KCNMB2: variants seen among roughly 807,000 people sequenced by gnomAD.
KCNMB2 encodes calcium-activated potassium channel subunit beta-2.
A neutral mutation model predicts 24.5 loss-of-function variants in KCNMB2; 9 were observed. The ratio of observed to expected loss-of-function variants is 0.37; its 90% CI spans 0.22 to 0.64. The LOEUF is 0.64. Among genes scored for constraint, KCNMB2 ranks in the 30% least tolerant of loss-of-function variants. KCNMB2 has a pLI of 0.63. For missense variants in KCNMB2, 226 were observed against 284.3 expected, an observed-to-expected ratio of 0.79 and a Z score of 1.47; for synonymous variants, 109 against 104.4, an observed-to-expected ratio of 1.04 and a Z score of -0.27.
At chr3:178,614,316 T>TATAC (rs1229233368) in intron 1 of KCNMB2, among the ~76,000 whole-genome samples, 21 of 103,056 alleles carry the variant, frequency 2.0e-4, no homozygotes, top group Non-Finnish European at 3.9e-4. Context: ...TATATGTATG[T>TATAC]GTATATATAT....
chr3:178,825,482 G>C lies in KCNMB2; in HGVS notation c.57-106G>C, dbSNP rs1560036808. 1.1e-5 allele frequency: 9 copies of C among 812,966 alleles called. No individual in the cohort carries two copies. The South Asian group carries it at 1.4e-4, about 12-fold the overall frequency. 50.4% of individuals were successfully genotyped at this position (812,966 alleles called of 1,614,324 possible). The stretch of plus-strand genomic sequence containing the variant: ...CACACTGAGGTCCAGCTGCACTGAA[G>C]CAGGTTTGGAGGGCCCTAGGAAGGC... On this transcript the variant is annotated intron_variant, in intron 2 of 4. Transcript: ENST00000452583.
chr3:178,577,150 C>T (rs971703350), intron 1 of KCNMB2, among the ~76,000 whole-genome samples: 45 of 152,246 alleles, frequency 3.0e-4, no homozygotes, highest in African/African-American at 9.9e-4. Flanking sequence ...CTCTCTGGGA[C>T]AAAGCTTCCA....
At chr3:178,635,408 T>TACACACACACGCGCAC (rs377063055) in intron 1 of KCNMB2, among the ~76,000 whole-genome samples, 1 of 144,878 alleles carries the variant, frequency 6.9e-6, no homozygotes, top group African/African-American at 2.6e-5. Context: ...TGCTTATGCA[T>TACACACACACGCGCAC]ACACACACAC....
Position 178,715,838 on chromosome 3 carries a change from A to T in KCNMB2, c.-67-91505A>T, listed in dbSNP as rs1184381731. On this transcript the variant is annotated intron_variant, in intron 1 of 4. Coordinates refer to ENST00000452583, the MANE Select transcript of KCNMB2 (RefSeq NM_181361.3). ...TCCCTTTCATGGTAGGATGACAACTAAACCAACCTGACCAGGAGACCAGGG... is the reference window on the plus strand; with the variant it reads ...TCCCTTTCATGGTAGGATGACAACTTAACCAACCTGACCAGGAGACCAGGG... Among the ~76,000 whole-genome samples the T allele has an allele frequency of 2.0e-5, 3 of 152,170 alleles. No individual in the cohort carries two copies. The East Asian group carries it at 5.8e-4, about 29-fold the overall frequency.
At chr3:178,616,909 A>G (rs752380909) in intron 1 of KCNMB2, among the ~76,000 whole-genome samples, 25 of 152,182 alleles carry the variant, frequency 1.6e-4, no homozygotes, top group Non-Finnish European at 3.5e-4. Context: ...TTCCTACTTG[A>G]CCAGGCTGGA....
At chr3:178,799,468 C>A (rs1713688118) in intron 1 of KCNMB2, among the ~76,000 whole-genome samples, 1 of 151,930 alleles carries the variant, frequency 6.6e-6, no homozygotes, top group South Asian at 2.1e-4. Flanking sequence ...ATAAACTTAA[C>A]CAAAGAGGCA....
rs1164464920 is a variant in KCNMB2 at position 178,843,195 on chromosome 3, C to T, written c.*258C>T. 3.6e-6 allele frequency: 2 copies of T among 558,372 alleles called. No individual in the cohort carries two copies. The highest frequency in any genetic ancestry group is 1.5e-5 in the South Asian group (1 of 65,480). 34.6% of individuals were successfully genotyped at this position (558,372 alleles called of 1,614,324 possible). A position where few individuals can be genotyped will look rare whatever the true frequency, so the allele number is the denominator to read the frequency against. ...TACTGGAACTAGTACTTTCTTCTCT[C>T]ATTCCGCCAAAACAGGGCTCAGTTA... On this transcript the variant is annotated 3_prime_UTR_variant, in exon 5 of 5. Coordinates refer to ENST00000452583, the MANE Select transcript of KCNMB2 (RefSeq NM_181361.3).
chr3:178,627,955 C>T (rs938922808), intron 1 of KCNMB2, among the ~76,000 whole-genome samples: 40 of 152,086 alleles, frequency 2.6e-4, no homozygotes, highest in African/African-American at 8.9e-4. Flanking sequence ...TGTAATTGTG[C>T]GGAACTGACT....
intron 4 of KCNMB2, among the ~76,000 whole-genome samples, chr3:178,833,041 A>AG (rs1319418912): frequency 1.7e-4 from 25 of 145,236 alleles, no homozygotes; most frequent in South Asian, 4.4e-4. Context: ...TTACAATGTC[A>AG]TCTTTTCCAA....
chr3:178,761,687 C>G, intron 1 of KCNMB2, among the ~76,000 whole-genome samples: 1 of 152,138 alleles, frequency 6.6e-6, no homozygotes, highest in East Asian at 1.9e-4. Flanking sequence ...ATGCACTACT[C>G]AACAAGCATT....
intron 1 of KCNMB2, among the ~76,000 whole-genome samples, chr3:178,615,899 G>C (rs1718687735): frequency 6.6e-6 from 1 of 152,146 alleles, no homozygotes; most frequent in African/African-American, 2.4e-5. Flanking sequence ...AATGCTGCCA[G>C]GACTGGTTCC....
chr3:178,679,386 A>T (rs181236811), intron 1 of KCNMB2, among the ~76,000 whole-genome samples: 3 of 152,324 alleles, frequency 2.0e-5, no homozygotes, highest in African/African-American at 4.8e-5. Context: ...GCATGCCACC[A>T]TACCCAGCCT....
rs1321654878 is a variant in KCNMB2 at position 178,832,734 on chromosome 3, T to A, written c.423+4361T>A. Among the ~76,000 whole-genome samples the A allele has an allele frequency of 8.6e-5, 7 of 81,562 alleles. 3 individuals carry two copies. Among genetic ancestry groups the A allele is most frequent in the Admixed American group, 7.1e-4 (7 of 9,850 alleles). 53.5% of individuals were successfully genotyped at this position (81,562 alleles called of 152,430 possible). A position where few individuals can be genotyped will look rare whatever the true frequency, so the allele number is the denominator to read the frequency against. On this transcript the variant is annotated intron_variant, in intron 4 of 4. Coordinates refer to ENST00000452583, the MANE Select transcript of KCNMB2 (RefSeq NM_181361.3). ...AAACCCATCCATTGAGTCCTTAATTTCTCTTACTGTATTTTCAATTCTAGA... is the reference window on the plus strand; with the variant it reads ...AAACCCATCCATTGAGTCCTTAATTACTCTTACTGTATTTTCAATTCTAGA...
At chr3:178,700,826 G>A (rs1722064601) in intron 1 of KCNMB2, among the ~76,000 whole-genome samples, 1 of 149,366 alleles carries the variant, frequency 6.7e-6, no homozygotes, top group South Asian at 2.1e-4. Flanking sequence ...TTCAAACAAA[G>A]TTTTAAAGCT....
rs144766081 is a variant in KCNMB2, at chr3:178,690,558, T to G, written c.-67-116785T>G. On this transcript the variant is annotated intron_variant, in intron 1 of 4. Transcript: ENST00000452583. ...AGAAGGAAGAGAAAGAGGGAGGGAG[T>G]GAGGGAAGAACTGAGACAATGGGGA... Among the ~76,000 whole-genome samples, 749 of 151,502 alleles carry G rather than the reference T, an allele frequency of 4.9e-3. 4 individuals are homozygous for G. The highest frequency in any genetic ancestry group is 0.017 in the African/African-American group (703 of 41,272).
At chr3:178,547,057 A>G (rs1715797801) in intron 1 of KCNMB2, among the ~76,000 whole-genome samples, 1 of 152,238 alleles carries the variant, frequency 6.6e-6, no homozygotes, top group South Asian at 2.1e-4. Flanking sequence ...TTAGGTGAGC[A>G]GGTCATGAGT....
chr3:178,774,552 C>A (rs1474090439), intron 1 of KCNMB2, among the ~76,000 whole-genome samples: 4 of 152,132 alleles, frequency 2.6e-5, no homozygotes, highest in Non-Finnish European at 4.4e-5. Flanking sequence ...ATCATGGGGA[C>A]TTGAGCACTC....
chr3:178,745,809 T>TA (rs1413685084), intron 1 of KCNMB2, among the ~76,000 whole-genome samples: 1 of 152,202 alleles, frequency 6.6e-6, no homozygotes, highest in Non-Finnish European at 1.5e-5. Context: ...AATCAAATCT[T>TA]AAAGTTCCAA....
chr3:178,573,015 G>A (rs1716860611), intron 1 of KCNMB2, among the ~76,000 whole-genome samples: 1 of 151,944 alleles, frequency 6.6e-6, no homozygotes, highest in African/African-American at 2.4e-5. Flanking sequence ...ATACATTTGA[G>A]GAAGAATTTT....
Sources: gnomAD v4.1 joint callset for allele counts (sites outside exome capture counted in the v4.1 genomes callset) on GRCh38, gnomAD v4.1.1 for gene constraint, MANE v1.5 for transcripts, NCBI Gene and HGNC (gene_info 2026-07-23, HGNC 2026-07-21) for gene names.